The following LSAMP variants were observed in gnomAD, a reference collection of about 807,000 sequenced individuals.
LSAMP encodes the protein limbic system associated membrane protein, also known as limbic system-associated membrane protein.
In LSAMP, 7 loss-of-function variants were observed where a neutral mutation model predicts 38.6. The ratio of observed to expected loss-of-function variants is 0.18; its 90% CI spans 0.10 to 0.34. The LOEUF (loss-of-function observed/expected upper bound fraction) is 0.34, where lower values mean the gene tolerates loss of function less well. Among genes scored for constraint, LSAMP ranks in the 10% least tolerant of loss-of-function variants. The probability of loss-of-function intolerance (pLI) is 1.00; values close to 1 mark genes in which losing one functional copy is unlikely to be tolerated. For synonymous variants in LSAMP, 154 were observed against 166.8 expected (o/e 0.92, Z 0.59); for missense variants, 313 against 420.0 (o/e 0.75, Z 2.23).
At chr3:115,958,766 T>C (rs1057211847) in intron 3 of LSAMP, among the ~76,000 whole-genome samples, 7 of 152,072 alleles carry the variant, frequency 4.6e-5, no homozygotes, top group Admixed American at 3.9e-4. Context: ...GGCAAGTAGA[T>C]GTAAAGGCTG....
chr3:116,207,853 T>A (rs1411748233), intron 1 of LSAMP, among the ~76,000 whole-genome samples: 1 of 152,084 alleles, frequency 6.6e-6, no homozygotes, highest in Non-Finnish European at 1.5e-5. Flanking sequence ...TCATTTCAAC[T>A]TTGGTGAATC....
chr3:116,336,593 T>C (rs2047922535), intron 1 of LSAMP, among the ~76,000 whole-genome samples: 1 of 151,778 alleles, frequency 6.6e-6, no homozygotes, highest in Non-Finnish European at 1.5e-5. Context: ...CACTTCTTCA[T>C]AGCTACTCTC....
chr3:116,147,634 C>T (rs1709519415), intron 1 of LSAMP, among the ~76,000 whole-genome samples: 1 of 151,864 alleles, frequency 6.6e-6, no homozygotes, highest in South Asian at 2.1e-4. Context: ...ACATCCAACT[C>T]CTTACTCTTT....
rs1340065294 is a variant in LSAMP, at chr3:115,808,155, T to C, written c.*2162A>G. The C allele has an allele frequency of 1.4e-5, 1 of 69,582 alleles. No homozygotes were observed. Among genetic ancestry groups the C allele is most frequent in the African/African-American group, 6.1e-5 (1 of 16,340 alleles). 4.3% of individuals were successfully genotyped at this position (69,582 alleles called of 1,614,324 possible). A position where few individuals can be genotyped will look rare whatever the true frequency, so the allele number is the denominator to read the frequency against. On this transcript the variant is annotated 3_prime_UTR_variant, in exon 7 of 7. Transcript: ENST00000490035. ...CTCCCTCCCTCCCTCCCTCCCCCCC[T>C]TCCCCGTCCCCCCCTCCCTGCCTTC...
In LSAMP at chr3:116,086,475, A is replaced by G. The variant is rs756312174; in HGVS notation, c.237T>C (p.Ser79=). The part of the protein sequence containing the change: ...GIIFAGHDKW[S]LDPRVELEKR... ...TCTCCAGCTCAACCCGTGGGTCCAGAGACCACTTGTCATGTCCAGCAAAAA... is the reference window on the plus strand; with the variant it reads ...TCTCCAGCTCAACCCGTGGGTCCAGGGACCACTTGTCATGTCCAGCAAAAA... Residue 79 remains serine (S), a synonymous_variant, in exon 2 of 7, where the codon TCT becomes TCC. Coordinates refer to ENST00000490035, the MANE Select transcript of LSAMP (RefSeq NM_002338.5). 6.2e-7 allele frequency: 1 copy of G among 1,614,140 alleles called. No individual in the cohort carries two copies. The highest frequency in any genetic ancestry group is 1.1e-5 in the South Asian group (1 of 91,078).
At chr3:116,163,383 A>T (rs374254921) in intron 1 of LSAMP, among the ~76,000 whole-genome samples, 3 of 151,262 alleles carry the variant, frequency 2.0e-5, no homozygotes, top group Admixed American at 6.6e-5. Flanking sequence ...GCTTCATCCA[A>T]GTCCCTACAA....
At chr3:115,990,560 A>G (rs1273371234) in intron 3 of LSAMP, among the ~76,000 whole-genome samples, 1 of 152,054 alleles carries the variant, frequency 6.6e-6, no homozygotes, top group African/African-American at 2.4e-5. Flanking sequence ...GAACACACCA[A>G]TCAGCTTCTG....
chr3:116,278,283 T>A (rs905157639), intron 1 of LSAMP, among the ~76,000 whole-genome samples: 2 of 152,182 alleles, frequency 1.3e-5, no homozygotes, highest in East Asian at 3.8e-4. Flanking sequence ...CTCTAAACAT[T>A]ATTCCATTCA....
intron 3 of LSAMP, among the ~76,000 whole-genome samples, chr3:115,913,470 G>T (rs938500730): frequency 2.0e-5 from 3 of 152,296 alleles, no homozygotes; most frequent in Middle Eastern, 6.8e-3. Context: ...AGAGACTTTT[G>T]CTGGGTGCTT....
At chr3:116,110,912 G>A (rs1436814669) in intron 1 of LSAMP, among the ~76,000 whole-genome samples, 1 of 152,060 alleles carries the variant, frequency 6.6e-6, no homozygotes, top group African/African-American at 2.4e-5. Context: ...GCGAAGGGAG[G>A]TAGGGGTGGG....
intron 1 of LSAMP, among the ~76,000 whole-genome samples, chr3:116,209,007 C>T (rs866652266): frequency 8.5e-5 from 13 of 152,186 alleles, no homozygotes; most frequent in South Asian, 2.1e-4. Flanking sequence ...GCCTCGCTGC[C>T]GCCTTGCAGT....
chr3:116,321,113 C>T (rs1161273574), intron 1 of LSAMP, among the ~76,000 whole-genome samples: 1 of 152,216 alleles, frequency 6.6e-6, no homozygotes, highest in South Asian at 2.1e-4. Flanking sequence ...GAGCTCATAC[C>T]TCTAATCCCA....
chr3:116,116,946 G>A, intron 1 of LSAMP, among the ~76,000 whole-genome samples: 1 of 151,954 alleles, frequency 6.6e-6, no homozygotes, highest in Non-Finnish European at 1.5e-5. Context: ...AGCCCACCAT[G>A]GGCTGAACAG....
chr3:115,854,742 T>C (rs1935454336), intron 3 of LSAMP, among the ~76,000 whole-genome samples: 2 of 152,190 alleles, frequency 1.3e-5, no homozygotes, highest in African/African-American at 4.8e-5. Flanking sequence ...TTCTATGCAC[T>C]AAGTGTCATG....
chr3:116,016,266 C>G (rs1302239875), intron 3 of LSAMP, among the ~76,000 whole-genome samples: 2 of 152,062 alleles, frequency 1.3e-5, no homozygotes, highest in East Asian at 1.9e-4. Context: ...TCTCCTGTCA[C>G]CAGGAATATG....
chr3:116,007,210 G>C (rs535186469), intron 3 of LSAMP, among the ~76,000 whole-genome samples: 1 of 152,138 alleles, frequency 6.6e-6, no homozygotes, highest in South Asian at 2.1e-4. Flanking sequence ...CTTTTGAGTT[G>C]ACCAACTTGA....
intron 1 of LSAMP, among the ~76,000 whole-genome samples, chr3:116,246,676 C>T (rs533325452): frequency 2.0e-5 from 3 of 152,260 alleles, no homozygotes; most frequent in East Asian, 3.9e-4. Context: ...TCCACAAGCA[C>T]CTCGGGGCAA....
intron 1 of LSAMP, among the ~76,000 whole-genome samples, chr3:116,214,605 G>A (rs1026504770): frequency 6.7e-6 from 1 of 148,776 alleles, no homozygotes; most frequent in African/African-American, 2.5e-5. Flanking sequence ...CTGGGTTCAA[G>A]CAATTCTCCA....
chr3:116,420,625 G>A (rs1413795607), intron 1 of LSAMP, among the ~76,000 whole-genome samples: 1 of 151,846 alleles, frequency 6.6e-6, no homozygotes, highest in Admixed American at 6.6e-5. Flanking sequence ...CCAGCACTTT[G>A]GGAGGGAGGC....
Sources: allele counts gnomAD v4.1 joint callset (sites outside exome capture counted in the v4.1 genomes callset), GRCh38; gene constraint gnomAD v4.1.1; transcripts MANE v1.5; gene names NCBI Gene and HGNC (gene_info 2026-07-23, HGNC 2026-07-21).